Variants in WWP2 observed in about 807,000 individuals in gnomAD.
The protein encoded by WWP2 is NEDD4-like E3 ubiquitin-protein ligase WWP2.
Under a neutral mutation model 121.0 loss-of-function variants are expected in WWP2, and 57 were observed. The observed-to-expected ratio is 0.47, with a 90% confidence interval of 0.38 to 0.59. The LOEUF (loss-of-function observed/expected upper bound fraction) is 0.59, where lower values mean the gene tolerates loss of function less well. Ranked by LOEUF, WWP2 falls within the 20% of genes least tolerant of loss-of-function variation. WWP2 has a pLI of 0.00. For synonymous variants in WWP2, 449 were observed against 441.3 expected (o/e 1.02, Z -0.22); for missense variants, 962 against 1,158.9 (o/e 0.83, Z 2.47).
intron 16 of WWP2, among the ~76,000 whole-genome samples, chr16:69,932,617 C>T (rs1387491925): frequency 6.6e-6 from 1 of 152,234 alleles, no homozygotes. Flanking sequence ...ATCCCCTCCT[C>T]TTAAGGCAGC....
chr16:69,880,725 T>C (rs1258778292), intron 7 of WWP2, among the ~76,000 whole-genome samples: 1 of 152,252 alleles, frequency 6.6e-6, no homozygotes, highest in Non-Finnish European at 1.5e-5. Flanking sequence ...TCAGCTGCCT[T>C]GGCAGTGCAG....
chr16:69,925,920 T>C lies in WWP2; in HGVS notation c.1234+436T>C, dbSNP rs1318831761. 1 of 159,238 alleles carries C rather than the reference T, an allele frequency of 6.3e-6. No homozygotes were observed. Among genetic ancestry groups the C allele is most frequent in the South Asian group, 2.0e-4 (1 of 4,898 alleles). The allele number at this position is 159,238 out of a possible 1,614,324, so 9.9% of individuals were successfully genotyped here. A position where few individuals can be genotyped will look rare whatever the true frequency, so the allele number is the denominator to read the frequency against. On this transcript the variant is annotated intron_variant, in intron 11 of 23. Transcript: ENST00000359154. The surrounding 1 kb of genome is among the most constrained non-coding windows in gnomAD (Gnocchi z 4.0). Reference sequence around the variant, plus strand: ...AACAAATCTTTCTTTGCAGCTGAGATGTTGGAGGACTTTGGTCTAATTTTG... The same window carrying C: ...AACAAATCTTTCTTTGCAGCTGAGACGTTGGAGGACTTTGGTCTAATTTTG...
intron 19 of WWP2, 95 bp downstream of exon 19, chr16:69,936,547 C>A: frequency 1.9e-6 from 3 of 1,544,050 alleles, no homozygotes; most frequent in South Asian, 1.2e-5. Flanking sequence ...GCCCATCGGT[C>A]ACTGTGGATG....
At chr16:69,919,142 C>T (rs556929392) in intron 10 of WWP2, among the ~76,000 whole-genome samples, 3 of 152,166 alleles carry the variant, frequency 2.0e-5, no homozygotes, top group African/African-American at 7.2e-5. Context: ...CCATCCCCGA[C>T]CACATTTAAA....
chr16:69,912,377 A>T (rs1251203142), intron 9 of WWP2, among the ~76,000 whole-genome samples: 2 of 115,590 alleles, frequency 1.7e-5, no homozygotes, highest in Non-Finnish European at 3.6e-5. Flanking sequence ...ATTCACACAC[A>T]CACACACACA....
In WWP2 at chr16:69,799,684, G is replaced by A. The variant is rs914238417; in HGVS notation, c.340+389G>A. The stretch of plus-strand genomic sequence containing the variant: ...CTAAAACAGAACAAAGGAGCTGTGT[G>A]TATACGTATATGTGTGTGTGTGCAT... On this transcript the variant is annotated intron_variant, in intron 4 of 23. Coordinates refer to ENST00000359154, the MANE Select transcript of WWP2 (RefSeq NM_001270454.2). The surrounding 1 kb of genome is among the most constrained non-coding windows in gnomAD (Gnocchi z 4.5). 6.6e-6 allele frequency among the ~76,000 whole-genome samples: 1 copy of A among 152,184 alleles called. No homozygotes were observed. The highest frequency in any genetic ancestry group is 2.4e-5 in the African/African-American group (1 of 41,444).
At chr16:69,879,954 C>T (rs1000347406) in intron 7 of WWP2, among the ~76,000 whole-genome samples, 3 of 151,098 alleles carry the variant, frequency 2.0e-5, no homozygotes, top group Non-Finnish European at 2.9e-5. Flanking sequence ...TCGGTTTTTG[C>T]GTCAATAATG....
chr16:69,782,663 A>G (rs1009020710), intron 1 of WWP2, among the ~76,000 whole-genome samples: 5 of 152,200 alleles, frequency 3.3e-5, no homozygotes, highest in African/African-American at 9.6e-5. Context: ...TGCTTATTAC[A>G]GACTAGTCTA....
At position 69,910,982 on chromosome 16, in the gene WWP2, C is replaced by G. The variant is rs148649048; in HGVS notation, c.1004+2132C>G. 1.4e-3 allele frequency among the ~76,000 whole-genome samples: 212 copies of G among 152,304 alleles called. 1 individual carries two copies. The highest frequency in any genetic ancestry group is 6.8e-3 in the Middle Eastern group (2 of 294). On this transcript the variant is annotated intron_variant, in intron 9 of 23. Transcript: ENST00000359154. ...TAGGTCAAGAACTTTGAGCCTCTAG[C>G]TCTCATTTCTGCTCTGTAATCACAG...
intron 1 of WWP2, among the ~76,000 whole-genome samples, chr16:69,763,198 A>G (rs1444406467): frequency 1.3e-5 from 2 of 152,236 alleles, no homozygotes; most frequent in Non-Finnish European, 2.9e-5. Context: ...AGAAGTGTCT[A>G]CCTAGACTGC....
At chr16:69,827,599 T>C (rs994852948) in intron 4 of WWP2, among the ~76,000 whole-genome samples, 2 of 152,222 alleles carry the variant, frequency 1.3e-5, no homozygotes, top group African/African-American at 2.4e-5. Context: ...ACTCCTACAT[T>C]TTGCTCTGCA....
chr16:69,937,054 T>C lies in WWP2; in HGVS notation c.2118-64T>C. ...CCTGCGCGGTAACGGCCACGCGGCC[T>C]GGCCGGGAGCCACCCCTGAGCAGTG... is the stretch of plus-strand genomic sequence containing the variant. On this transcript the variant is annotated intron_variant, in intron 19 of 23. Transcript: ENST00000359154. The surrounding 1 kb of genome is among the most constrained non-coding windows in gnomAD (Gnocchi z 6.6). The C allele has an allele frequency of 6.3e-7, 1 of 1,580,844 alleles. No homozygotes were observed. The highest frequency in any genetic ancestry group is 8.6e-7 in the Non-Finnish European group (1 of 1,160,716).
At position 69,792,463 on chromosome 16, in the gene WWP2, A is replaced by G. The variant is rs191649181; in HGVS notation, c.70+5383A>G. Among the ~76,000 whole-genome samples the G allele has an allele frequency of 5.1e-3, 780 of 152,322 alleles. 9 individuals are homozygous for G. Among genetic ancestry groups the G allele is most frequent in the Non-Finnish European group, 6.6e-3 (446 of 68,038 alleles). On this transcript the variant is annotated intron_variant, in intron 2 of 23. Transcript: ENST00000359154. ...AAGTCGTGACTCTGTGTATAAAGAT[A>G]TATTTCATGAAAGAGACTTTCTAGA...
At chr16:69,879,781 G>A (rs1335557702) in intron 7 of WWP2, among the ~76,000 whole-genome samples, 1 of 152,126 alleles carries the variant, frequency 6.6e-6, no homozygotes, top group Non-Finnish European at 1.5e-5. Flanking sequence ...TCATGCCCAT[G>A]CTAATGGGCA....
intron 6 of WWP2, among the ~76,000 whole-genome samples, chr16:69,860,549 A>G (rs1254684854): frequency 2.6e-5 from 4 of 152,196 alleles, no homozygotes; most frequent in Admixed American, 6.5e-5. Flanking sequence ...CTGGGTGGAA[A>G]GTCCAGGAAG....
At chr16:69,933,032 TC>T (rs748510267) in intron 16 of WWP2, 8 of 480,446 alleles carry the variant, frequency 1.7e-5, no homozygotes, top group African/African-American at 5.9e-5. Context: ...CGTGGTGACC[TC>T]CTCTCCAGGC....
intron 1 of WWP2, among the ~76,000 whole-genome samples, chr16:69,781,978 T>A (rs2055673331): frequency 6.6e-6 from 1 of 152,062 alleles, no homozygotes; most frequent in Admixed American, 6.6e-5. Context: ...CACCTCTCAA[T>A]ACTGTTAAGA....
chr16:69,892,722 C>T (rs2058048662), intron 8 of WWP2, among the ~76,000 whole-genome samples: 2 of 152,164 alleles, frequency 1.3e-5, no homozygotes, highest in Admixed American at 6.5e-5. Context: ...TTCACAGAGA[C>T]AAGGTCTCCC....
intron 4 of WWP2, among the ~76,000 whole-genome samples, chr16:69,811,801 A>G (rs1428403899): frequency 6.6e-6 from 1 of 152,160 alleles, no homozygotes; most frequent in Non-Finnish European, 1.5e-5. Flanking sequence ...AGAATAGAAC[A>G]AAGAACTCCT....
Sources: gnomAD v4.1 joint callset for allele counts (sites outside exome capture counted in the v4.1 genomes callset) on GRCh38, gnomAD v4.1.1 for gene constraint, Gnocchi (gnomAD v3.1) non-coding constraint, MANE v1.5 for transcripts, NCBI Gene and HGNC (gene_info 2026-07-23, HGNC 2026-07-21) for gene names.